Variants in CMKLR1 observed in about 807,000 individuals in gnomAD.
CMKLR1 encodes chemerin chemokine-like receptor 1.
A neutral mutation model predicts 8.2 loss-of-function variants in CMKLR1; 6 were observed. The observed-to-expected ratio is 0.73, with a 90% CI of 0.40 to 1.44. The LOEUF is 1.44. Among genes scored for constraint, CMKLR1 ranks in the 40% most tolerant of loss-of-function variants. The pLI is 0.02. For missense variants in CMKLR1, 429 were observed against 478.0 expected (o/e 0.90, Z 0.96); for synonymous variants, 178 against 181.2 (o/e 0.98, Z 0.14).
chr12:108,329,212 A>C (rs1157857842), intron 2 of CMKLR1, among the ~76,000 whole-genome samples: 1 of 152,220 alleles, frequency 6.6e-6, no homozygotes, highest in Admixed American at 6.5e-5. Flanking sequence ...CCATGAAATA[A>C]AGCACATTGG....
intron 2 of CMKLR1, among the ~76,000 whole-genome samples, chr12:108,301,651 A>C (rs1891278256): frequency 1.3e-5 from 2 of 152,248 alleles, no homozygotes; most frequent in Admixed American, 1.3e-4. Flanking sequence ...CCCATTAGAA[A>C]TGTCGTCACA....
At chr12:108,308,658 G>A (rs1891472659) in intron 2 of CMKLR1, among the ~76,000 whole-genome samples, 1 of 152,202 alleles carries the variant, frequency 6.6e-6, no homozygotes, top group Non-Finnish European at 1.5e-5. Context: ...ATTAGAGGGT[G>A]AGGACGGGCA....
intron 1 of CMKLR1, among the ~76,000 whole-genome samples, chr12:108,334,623 A>G (rs1892179507): frequency 6.6e-6 from 1 of 152,218 alleles, no homozygotes. Flanking sequence ...GCCCAGCCCA[A>G]GGAAAATCCC....
rs1481217313 is a variant in CMKLR1, at chr12:108,310,192, T to C, written c.-73-16528A>G. 2.6e-5 allele frequency among the ~76,000 whole-genome samples: 4 copies of C among 151,368 alleles called. 1 individual carries two copies. The South Asian group carries it at 8.4e-4, about 32-fold the overall frequency. The stretch of plus-strand genomic sequence containing the variant: ...GTGTGTGTGTGTGTGTGTGTGTGTG[T>C]GTGTGTTAGGGGAGGGGAGAAGGCA... On this transcript the variant is annotated intron_variant, in intron 2 of 3. Coordinates refer to ENST00000550402, the MANE Select transcript of CMKLR1 (RefSeq NM_001142343.2).
chr12:108,309,634 G>T (rs1385238872), intron 2 of CMKLR1, among the ~76,000 whole-genome samples: 2 of 152,178 alleles, frequency 1.3e-5, no homozygotes, highest in Non-Finnish European at 2.9e-5. Flanking sequence ...TTCATGCAGA[G>T]AAAGTGGTTG....
At chr12:108,296,050 T>C (rs1210804933) in intron 2 of CMKLR1, among the ~76,000 whole-genome samples, 1 of 152,126 alleles carries the variant, frequency 6.6e-6, no homozygotes, top group Admixed American at 6.5e-5. Context: ...GACGCCTCTC[T>C]CTCTGGAAGC....
At chr12:108,312,052 G>A (rs1484004003) in intron 2 of CMKLR1, among the ~76,000 whole-genome samples, 2 of 152,208 alleles carry the variant, frequency 1.3e-5, no homozygotes, top group Non-Finnish European at 1.5e-5. Flanking sequence ...AAGGTGACAA[G>A]AGGAAAGAGA....
chr12:108,332,806 C>T (rs190067072), intron 1 of CMKLR1, among the ~76,000 whole-genome samples: 106 of 152,190 alleles, frequency 7.0e-4, no homozygotes, highest in Non-Finnish European at 9.6e-4. Flanking sequence ...ACTAATACAT[C>T]CTGTCTCTAC....
intron 2 of CMKLR1, among the ~76,000 whole-genome samples, chr12:108,306,658 C>G (rs1015198847): frequency 6.6e-6 from 1 of 152,210 alleles, no homozygotes; most frequent in Non-Finnish European, 1.5e-5. Context: ...CATCATGTCA[C>G]TCCTTGCTGA....
chr12:108,316,331 G>T (rs550594518), intron 2 of CMKLR1, among the ~76,000 whole-genome samples: 3 of 152,210 alleles, frequency 2.0e-5, no homozygotes, highest in African/African-American at 7.2e-5. Context: ...GGAGGAAGAA[G>T]CAGCACAGCC....
chr12:108,311,258 T>C (rs1891560891), intron 2 of CMKLR1, among the ~76,000 whole-genome samples: 1 of 151,714 alleles, frequency 6.6e-6, no homozygotes, highest in African/African-American at 2.4e-5. Context: ...TCCTACTATG[T>C]CAGATCCAGT....
chr12:108,331,396 C>G (rs1270860546), intron 1 of CMKLR1, among the ~76,000 whole-genome samples: 1 of 151,828 alleles, frequency 6.6e-6, no homozygotes, highest in African/African-American at 2.4e-5. Flanking sequence ...TAAAGCCTCA[C>G]TGGTTGCTAC....
At chr12:108,329,098 C>T (rs1304444170) in intron 2 of CMKLR1, among the ~76,000 whole-genome samples, 1 of 152,232 alleles carries the variant, frequency 6.6e-6, no homozygotes, top group Non-Finnish European at 1.5e-5. Flanking sequence ...GAATTTCAAA[C>T]TTAATTAGCT....
At chr12:108,316,046 C>G (rs534418941) in intron 2 of CMKLR1, among the ~76,000 whole-genome samples, 1 of 152,186 alleles carries the variant, frequency 6.6e-6, no homozygotes, top group Non-Finnish European at 1.5e-5. Context: ...GTGTTCCCCC[C>G]AGGAAGTTCA....
intron 2 of CMKLR1, among the ~76,000 whole-genome samples, chr12:108,302,859 C>T (rs1251749896): frequency 6.6e-6 from 1 of 152,074 alleles, no homozygotes; most frequent in Non-Finnish European, 1.5e-5. Flanking sequence ...AATAGGGCTA[C>T]TGGGAAATGA....
chr12:108,329,285 A>G (rs1403010215), intron 2 of CMKLR1, among the ~76,000 whole-genome samples: 1 of 152,132 alleles, frequency 6.6e-6, no homozygotes, highest in Non-Finnish European at 1.5e-5. Flanking sequence ...TCCTCCTGCC[A>G]TCCCTGCTTC....
At chr12:108,299,244 G>T (rs1407454585) in intron 2 of CMKLR1, among the ~76,000 whole-genome samples, 1 of 152,218 alleles carries the variant, frequency 6.6e-6, no homozygotes, top group Admixed American at 6.5e-5. Flanking sequence ...AGAAGGTCAA[G>T]GCCCCAGAGG....
In CMKLR1 at chr12:108,293,745, A is replaced by G. The variant is rs1011108079; in HGVS notation, c.-73-81T>C. 1.2e-5 allele frequency: 9 copies of G among 734,986 alleles called. No homozygotes were observed. The African/African-American group carries it at 1.6e-4, about 13-fold the overall frequency. 45.5% of individuals were successfully genotyped at this position (734,986 alleles called of 1,614,324 possible). On this transcript the variant is annotated intron_variant, in intron 2 of 3. Transcript: ENST00000550402. ...GAGGGTTGAGTGGACCCAGCCAGAA[A>G]TAAGATCTGTTGTTCTTATTCCCAT...
intron 1 of CMKLR1, among the ~76,000 whole-genome samples, chr12:108,333,908 A>G (rs1892164409): frequency 6.6e-6 from 1 of 152,280 alleles, no homozygotes; most frequent in Non-Finnish European, 1.5e-5. Flanking sequence ...GTTTCGTGCT[A>G]TCGCCTGAAA....
Sources: allele counts gnomAD v4.1 joint callset (sites outside exome capture counted in the v4.1 genomes callset), GRCh38; gene constraint gnomAD v4.1.1; transcripts MANE v1.5; gene names NCBI Gene and HGNC (gene_info 2026-07-23, HGNC 2026-07-21).